The following SH3GL3 variants were observed in gnomAD, a reference collection of about 807,000 sequenced individuals.
The protein encoded by SH3GL3 is endophilin-A3.
In SH3GL3, 33 loss-of-function variants were observed where a neutral mutation model predicts 47.7. The observed-to-expected ratio is 0.69, with a 90% CI of 0.52 to 0.92. SH3GL3 has a LOEUF of 0.92. Ranked by LOEUF, SH3GL3 falls within the 40% of genes least tolerant of loss-of-function variation. The pLI is 0.00. For synonymous variants in SH3GL3, 155 were observed against 148.8 expected (o/e 1.04, Z -0.30); for missense variants, 363 against 417.8 (o/e 0.87, Z 1.14).
intron 6 of SH3GL3, among the ~76,000 whole-genome samples, chr15:83,581,719 C>T (rs1269938807): frequency 6.6e-6 from 1 of 152,208 alleles, no homozygotes; most frequent in African/African-American, 2.4e-5. Flanking sequence ...CTAACTCTAA[C>T]ATTCCTAAGC....
At position 83,578,128 on chromosome 15, in the gene SH3GL3, CCAAGT is replaced by C. The variant is rs1244044024; in HGVS notation, c.624+1388_624+1392del. Among the ~76,000 whole-genome samples the C allele has an allele frequency of 3.3e-5, 5 of 152,218 alleles. No individual in the cohort carries two copies. The East Asian group carries it at 9.7e-4, about 29-fold the overall frequency. ...TGCCATTTGCTTTGATTTGATTTGT[CCAAGT>C]AAAGTCAAATGAAATGGAATTAAGG... is the stretch of plus-strand genomic sequence containing the variant. On this transcript the variant is annotated intron_variant, in intron 6 of 8. Coordinates refer to ENST00000427482, the MANE Select transcript of SH3GL3 (RefSeq NM_003027.5).
intron 1 of SH3GL3, among the ~76,000 whole-genome samples, chr15:83,531,991 A>G (rs575787779): frequency 6.6e-6 from 1 of 152,336 alleles, no homozygotes; most frequent in Non-Finnish European, 1.5e-5. Flanking sequence ...AAACTTCAGC[A>G]TGTACAAGTT....
At chr15:83,481,966 A>C (rs1366087963) in intron 1 of SH3GL3, among the ~76,000 whole-genome samples, 1 of 152,206 alleles carries the variant, frequency 6.6e-6, no homozygotes, top group Non-Finnish European at 1.5e-5. Context: ...GGGGGGAGTC[A>C]TTTCCAATTT....
intron 8 of SH3GL3, among the ~76,000 whole-genome samples, chr15:83,609,785 C>T (rs1049219824): frequency 2.0e-5 from 3 of 152,126 alleles, no homozygotes; most frequent in African/African-American, 7.2e-5. Context: ...CTCTTTCCAC[C>T]TTCACCTCCC....
chr15:83,543,225 A>G (rs923427759), intron 1 of SH3GL3, among the ~76,000 whole-genome samples: 3 of 152,140 alleles, frequency 2.0e-5, no homozygotes, highest in African/African-American at 4.8e-5. Flanking sequence ...TTCAGCATCA[A>G]TTGAAATGAT....
At chr15:83,479,427 G>T (rs2151551595) in intron 1 of SH3GL3, among the ~76,000 whole-genome samples, 1 of 152,152 alleles carries the variant, frequency 6.6e-6, no homozygotes, top group Non-Finnish European at 1.5e-5. Flanking sequence ...GGAGGAGATG[G>T]AAGCCAATCA....
chr15:83,513,028 G>A (rs1029165010), intron 1 of SH3GL3, among the ~76,000 whole-genome samples: 2 of 152,086 alleles, frequency 1.3e-5, no homozygotes, highest in African/African-American at 2.4e-5. Flanking sequence ...AGGTTTCAAC[G>A]ACTGCATAAT....
At position 83,559,288 on chromosome 15, in the gene SH3GL3, T is replaced by C. The variant is rs1373148658; in HGVS notation, c.81T>C (p.Thr27=). The change falls in exon 2 of 9, where the codon ACT becomes ACC. Residue 27 remains threonine (T), a synonymous_variant. Transcript: ENST00000427482. ...FSEKISGAEG[T]KLDDEFLDME... ...AAAAAATAAGTGGTGCTGAAGGAAC[T>C]AAACTAGACGATGAATTTCTTGACA... 3.8e-6 allele frequency: 6 copies of C among 1,593,162 alleles called. No individual in the cohort carries two copies. The highest frequency in any genetic ancestry group is 5.2e-6 in the Non-Finnish European group (6 of 1,160,932).
chr15:83,600,293 T>C (rs540375000), intron 8 of SH3GL3, among the ~76,000 whole-genome samples: 2 of 152,280 alleles, frequency 1.3e-5, no homozygotes, highest in Admixed American at 1.3e-4. Flanking sequence ...GTTTTTCCAA[T>C]GTTATCTTCT....
the SH3GL3 span, among the ~76,000 whole-genome samples, chr15:83,633,414 T>C: frequency 6.6e-6 from 1 of 152,188 alleles, no homozygotes; most frequent in Non-Finnish European, 1.5e-5. Flanking sequence ...TTACCTTCCC[T>C]TCTTCAAACA....
At chr15:83,463,602 C>T (rs1259147279) in intron 1 of SH3GL3, among the ~76,000 whole-genome samples, 1 of 151,880 alleles carries the variant, frequency 6.6e-6, no homozygotes, top group African/African-American at 2.4e-5. Flanking sequence ...TCTCTGATGT[C>T]TTTTTTAGCT....
rs2059692279 is a variant in SH3GL3 at position 83,576,759 on chromosome 15, A to G, written c.624+18A>G. On this transcript the variant is annotated intron_variant, in intron 6 of 8. Transcript: ENST00000427482. ...AAAATGATGTAAGTATTTAAACCAA[A>G]TAGGAGATTTTAATGTAAATGAATG... is the stretch of plus-strand genomic sequence containing the variant. 2.6e-6 allele frequency: 4 copies of G among 1,517,886 alleles called. No individual in the cohort carries two copies. Among genetic ancestry groups the G allele is most frequent in the Non-Finnish European group, 3.6e-6 (4 of 1,103,352 alleles). The allele number at this position is 1,517,886 out of a possible 1,614,324, so 94.0% of individuals were successfully genotyped here. A position where few individuals can be genotyped will look rare whatever the true frequency, so the allele number is the denominator to read the frequency against.
In SH3GL3 at chr15:83,588,724, C is replaced by G; in HGVS notation, c.791C>G (p.Ser264Cys). ...AAGCCAAGGCCTGTGAAAAGGAGTT[C>G]TAGTGAGCTCAATGGAGTTTCCACC... The part of the protein sequence containing the change: ...EYKPRPVKRS[S>C]SELNGVSTTS... Residue 264 changes from serine (S) to cysteine (C), a missense_variant, in exon 8 of 9, where the codon TCT becomes TGT. Coordinates refer to ENST00000427482, the MANE Select transcript of SH3GL3 (RefSeq NM_003027.5). The G allele has an allele frequency of 6.2e-7, 1 of 1,612,738 alleles. No homozygotes were observed. Among genetic ancestry groups the G allele is most frequent in the Non-Finnish European group, 8.5e-7 (1 of 1,178,700 alleles).
rs1481827848 is a variant in SH3GL3 at position 83,447,709 on chromosome 15, G to A, written c.45+131G>A. ...GGCTCAATTTCTTCCCGCCTAGGAGGGCGCGAGGGTGGGGTGAGGGGCCGC... is the reference window on the plus strand; with the variant it reads ...GGCTCAATTTCTTCCCGCCTAGGAGAGCGCGAGGGTGGGGTGAGGGGCCGC... On this transcript the variant is annotated intron_variant, in intron 1 of 8. Coordinates refer to ENST00000427482, the MANE Select transcript of SH3GL3 (RefSeq NM_003027.5). This position sits in a 1 kb window ranked among gnomAD's most constrained non-coding sequence, Gnocchi z 5.1. 6.6e-6 allele frequency: 4 copies of A among 604,476 alleles called. No homozygotes were observed. Among genetic ancestry groups the A allele is most frequent in the Non-Finnish European group, 1.1e-5 (4 of 380,096 alleles). 37.4% of individuals were successfully genotyped at this position (604,476 alleles called of 1,614,324 possible).
In SH3GL3 at chr15:83,565,150, A is replaced by G. The variant is rs533824738; in HGVS notation, c.131A>G (p.Asn44Ser). 3.3e-5 allele frequency: 52 copies of G among 1,554,220 alleles called. 1 individual carries two copies. In the South Asian group the frequency reaches 5.8e-4, roughly 17 times the overall value. Residue 44 changes from asparagine to serine, a missense_variant, in exon 3 of 9, where the codon AAT (asparagine) becomes AGT (serine). Coordinates refer to ENST00000427482, the MANE Select transcript of SH3GL3 (RefSeq NM_003027.5). ...LDMERKIDVTNKVVAEILSKT... is the reference protein window; with the variant it reads ...LDMERKIDVTSKVVAEILSKT... ...GCTTTTAAGAAAATAGATGTTACCA[A>G]TAAAGTTGTTGCAGAAATTCTTTCA...
intron 1 of SH3GL3, among the ~76,000 whole-genome samples, chr15:83,465,153 T>C (rs11853589): frequency 0.09 from 13,610 of 151,040 alleles, 805 homozygotes; most frequent in East Asian, 0.26. Flanking sequence ...CTACTAAACA[T>C]AAAAAAATTA....
chr15:83,486,247 A>G (rs921348118), intron 1 of SH3GL3, among the ~76,000 whole-genome samples: 3 of 152,212 alleles, frequency 2.0e-5, no homozygotes, highest in South Asian at 4.1e-4. Context: ...TTTAAATTCA[A>G]ATTTACATAA....
At chr15:83,592,749 C>T (rs2060140813) in intron 8 of SH3GL3, among the ~76,000 whole-genome samples, 1 of 152,172 alleles carries the variant, frequency 6.6e-6, no homozygotes, top group Non-Finnish European at 1.5e-5. Context: ...CATCCTGCCT[C>T]CTCCACACTC....
chr15:83,471,425 A>T (rs2040824583), intron 1 of SH3GL3, among the ~76,000 whole-genome samples: 1 of 152,238 alleles, frequency 6.6e-6, no homozygotes, highest in Non-Finnish European at 1.5e-5. Context: ...ACAGTATGTA[A>T]ACAAATTAAA....
Sources: gnomAD v4.1 joint callset for allele counts (sites outside exome capture counted in the v4.1 genomes callset) on GRCh38, gnomAD v4.1.1 for gene constraint, Gnocchi (gnomAD v3.1) non-coding constraint, MANE v1.5 for transcripts, NCBI Gene and HGNC (gene_info 2026-07-23, HGNC 2026-07-21) for gene names.